HTT: variants seen among roughly 807,000 people sequenced by gnomAD.
HTT encodes the protein huntingtin, also known as huntington disease protein.
HTT carries 104 observed loss-of-function variants against 362.3 expected under a neutral mutation model. The observed-to-expected ratio is 0.29, with a 90% CI of 0.24 to 0.34. HTT has a LOEUF of 0.34. Among genes scored for constraint, HTT ranks in the 10% least tolerant of loss-of-function variants. The probability of loss-of-function intolerance (pLI) is 1.00; values close to 1 mark genes in which losing one functional copy is unlikely to be tolerated. For missense variants in HTT, 3,301 were observed against 3,928.6 expected, an observed-to-expected ratio of 0.84 and a Z score of 4.27; for synonymous variants, 1,577 against 1,548.7, an observed-to-expected ratio of 1.02 and a Z score of -0.43.
rs540818701 is a variant in HTT, at chr4:3,142,527, C to T, written c.2946-239C>T. ...TTCAACTTAAACAGATAGTAGGCAA[C>T]GCTGTAAGGGGAGTATGGCTGCAGC... On this transcript the variant is annotated intron_variant, in intron 22 of 66. Coordinates refer to ENST00000355072, the MANE Select transcript of HTT (RefSeq NM_001388492.1). Among the ~76,000 whole-genome samples, 9 of 152,040 alleles carry T rather than the reference C, an allele frequency of 5.9e-5. No individual in the cohort carries two copies. The South Asian group carries it at 1.5e-3, about 25-fold the overall frequency.
In HTT at chr4:3,223,534, C is replaced by G; in HGVS notation, c.7599C>G (p.Asn2533Lys). The G allele has an allele frequency of 6.2e-7, 1 of 1,612,468 alleles. No homozygotes were observed. Among genetic ancestry groups the G allele is most frequent in the Non-Finnish European group, 8.5e-7 (1 of 1,179,236 alleles). ...GCTGCTTGGAGCAGCAGCCCCGGAA[C>G]AAGCCTCTGAAAGCTCTCGACACCA... ...AVSCLEQQPRNKPLKALDTRF... is the reference protein window; with the variant it reads ...AVSCLEQQPRKKPLKALDTRF... Residue 2533 changes from asparagine (N) to lysine (K), a missense_variant, in exon 55 of 67, where the codon AAC (asparagine) becomes AAG (lysine). By Grantham distance (94) the Asn-to-Lys change is moderately conservative (BLOSUM62 0). Transcript: ENST00000355072.
chr4:3,114,139 A>G (rs1714902941), intron 6 of HTT, among the ~76,000 whole-genome samples: 1 of 152,226 alleles, frequency 6.6e-6, no homozygotes, highest in Admixed American at 6.5e-5. Context: ...GCCGAATTAA[A>G]AGAAGAGGTT....
At chr4:3,234,125 A>AG (rs1721401754) in intron 61 of HTT, among the ~76,000 whole-genome samples, 1 of 152,258 alleles carries the variant, frequency 6.6e-6, no homozygotes, top group African/African-American at 2.4e-5. Flanking sequence ...AACGGGGGCT[A>AG]GGTCAAAGTT....
intron 40 of HTT, among the ~76,000 whole-genome samples, chr4:3,193,104 C>T (rs1233012714): frequency 6.6e-6 from 1 of 152,124 alleles, no homozygotes; most frequent in African/African-American, 2.4e-5. Flanking sequence ...GCTGAGAGTA[C>T]AGGCAGGCAG....
chr4:3,196,780 A>G (rs1719277141), intron 40 of HTT, among the ~76,000 whole-genome samples: 1 of 152,050 alleles, frequency 6.6e-6, no homozygotes, highest in Non-Finnish European at 1.5e-5. Flanking sequence ...CCGTAGCGAA[A>G]CATGTATGTC....
At chr4:3,086,465 G>A (rs753929329) in intron 1 of HTT, among the ~76,000 whole-genome samples, 1 of 152,132 alleles carries the variant, frequency 6.6e-6, no homozygotes, top group Admixed American at 6.5e-5. Flanking sequence ...GAGGCCAGGA[G>A]TTTGAGCAAT....
intron 1 of HTT, among the ~76,000 whole-genome samples, chr4:3,080,246 C>T (rs1351859821): frequency 6.6e-6 from 1 of 151,876 alleles, no homozygotes; most frequent in Non-Finnish European, 1.5e-5. Flanking sequence ...AGGCGTATAC[C>T]ACCATGCCCA....
chr4:3,182,941 C>T (rs535535159), intron 37 of HTT, among the ~76,000 whole-genome samples: 60 of 152,236 alleles, frequency 3.9e-4, no homozygotes, highest in African/African-American at 1.3e-3. Flanking sequence ...AGAGTGCAGT[C>T]GTGTAATCTC....
intron 36 of HTT, chr4:3,180,902 A>C: frequency 3.3e-6 from 1 of 301,146 alleles, no homozygotes; most frequent in Non-Finnish European, 5.9e-6. Flanking sequence ...TTTGAGATGG[A>C]GTCTCTCTCC....
At chr4:3,198,588 G>A (rs544226753) in intron 40 of HTT, among the ~76,000 whole-genome samples, 415 of 152,316 alleles carry the variant, frequency 2.7e-3, no homozygotes, top group Non-Finnish European at 5.3e-3. Flanking sequence ...CAGATCTGGG[G>A]GAGAGGGTGG....
Position 3,233,207 on chromosome 4 carries a change from G to A in HTT, c.8310G>A (p.Thr2770=), listed in dbSNP as rs369914566. ...CTGTCAGCCGCCTGCTGGAGAGCAC[G>A]CTCAGGAGCAGCCACCTGCCCAGCA... ...AEPVSRLLES[T]LRSSHLPSRV... The change falls in exon 61 of 67, where the codon ACG becomes ACA. Residue 2770 remains threonine (T), a synonymous_variant. Coordinates refer to ENST00000355072, the MANE Select transcript of HTT (RefSeq NM_001388492.1). 1.6e-5 allele frequency: 26 copies of A among 1,599,520 alleles called. No homozygotes were observed. The highest frequency in any genetic ancestry group is 6.7e-5 in the African/African-American group (5 of 74,720).
In HTT at chr4:3,211,958, C is replaced by CTTAA; in HGVS notation, c.6445_6448dup (p.Ser2150IlefsTer7). 1 of 1,614,134 alleles carries CTTAA rather than the reference C, an allele frequency of 6.2e-7. No individual in the cohort carries two copies. Among genetic ancestry groups the CTTAA allele is most frequent in the Non-Finnish European group, 8.5e-7 (1 of 1,179,994 alleles). ...TCAACCTAAGCCTGCTAGCTCCATG[C>CTTAA]TTAAGCCTAGGGATGAGTGAAATTT... On this transcript the variant is annotated frameshift_variant, in exon 48 of 67. Coordinates refer to ENST00000355072, the MANE Select transcript of HTT (RefSeq NM_001388492.1). LOFTEE classifies it high-confidence loss of function.
intron 26 of HTT, among the ~76,000 whole-genome samples, chr4:3,153,222 T>A (rs1404218695): frequency 6.6e-6 from 1 of 152,082 alleles, no homozygotes. Flanking sequence ...GATGCTAATC[T>A]CATTCATGAG....
At position 3,230,890 on chromosome 4, in the gene HTT, T is replaced by C. The variant is rs568176771; in HGVS notation, c.8265+848T>C. Reference sequence around the variant, plus strand: ...GTCAGTGTAGGAGTTTCAGGAGGGATAGAAACATTCAGACCATCCCAGCGG... The same window carrying C: ...GTCAGTGTAGGAGTTTCAGGAGGGACAGAAACATTCAGACCATCCCAGCGG... On this transcript the variant is annotated intron_variant, in intron 60 of 66. Transcript: ENST00000355072. Among the ~76,000 whole-genome samples the C allele has an allele frequency of 1.4e-4, 21 of 152,306 alleles. No homozygotes were observed. The South Asian group carries it at 2.3e-3, about 17-fold the overall frequency.
intron 3 of HTT, among the ~76,000 whole-genome samples, chr4:3,099,897 G>T (rs367984766): frequency 1.3e-5 from 2 of 151,460 alleles, no homozygotes; most frequent in African/African-American, 4.9e-5. Context: ...GTGCTCTGTT[G>T]TATGGTTTGG....
intron 34 of HTT, 104 bp downstream of exon 34, chr4:3,177,491 G>T: frequency 1.3e-6 from 1 of 743,182 alleles, no homozygotes; most frequent in South Asian, 1.9e-5. Flanking sequence ...CATTTTTGCT[G>T]TTTTCTTTAA....
intron 11 of HTT, 40 bp downstream of exon 11, chr4:3,125,669 G>C: frequency 7.1e-7 from 1 of 1,417,782 alleles, no homozygotes; most frequent in South Asian, 1.1e-5. Flanking sequence ...GACCTTCACT[G>C]TCTGCCTTCC....
intron 30 of HTT, 44 bp downstream of exon 30, chr4:3,172,441 A>T (rs1350618893): frequency 1.6e-6 from 2 of 1,285,442 alleles, no homozygotes; most frequent in East Asian, 4.6e-5. Context: ...ACGTTCGGGT[A>T]TGACAGCAAA....
intron 26 of HTT, among the ~76,000 whole-genome samples, chr4:3,151,658 T>G (rs1353605481): frequency 6.6e-6 from 1 of 152,180 alleles, no homozygotes; most frequent in African/African-American, 2.4e-5. Flanking sequence ...GAGAATCTAA[T>G]GCCTGATGAT....
Sources: gnomAD v4.1 joint callset for allele counts (sites outside exome capture counted in the v4.1 genomes callset) on GRCh38, gnomAD v4.1.1 for gene constraint, MANE v1.5 for transcripts, NCBI Gene and HGNC (gene_info 2026-07-23, HGNC 2026-07-21) for gene names.